MGAM: variants seen among roughly 807,000 people sequenced by gnomAD.
MGAM encodes the protein alpha-1,4-glucosidase.
Under a neutral mutation model 358.8 loss-of-function variants are expected in MGAM, and 253 were observed. The ratio of observed to expected loss-of-function variants is 0.71; its 90% CI spans 0.64 to 0.78. MGAM has a LOEUF of 0.78. Ranked by LOEUF, MGAM falls within the 30% of genes least tolerant of loss-of-function variation. The pLI, the probability that MGAM is intolerant of heterozygous loss-of-function variation, is 0.00. For missense variants in MGAM, 3,080 were observed against 3,432.6 expected (o/e 0.90, Z 2.57); for synonymous variants, 1,105 against 1,227.1 (o/e 0.90, Z 2.08).
At chr7:142,060,954 CTGGGGACGGTTTG>C (rs71672526) in intron 34 of MGAM, among the ~76,000 whole-genome samples, 22,029 of 151,930 alleles carry the variant, frequency 0.14, 2,984 homozygotes, top group East Asian at 0.37. Context: ...TTGCTCTCTC[CTGGGGACGGTTTG>C]TTGCTTGTAA....
At chr7:142,061,030 A>T (rs2961071) in intron 34 of MGAM, among the ~76,000 whole-genome samples, 74,516 of 151,972 alleles carry the variant, frequency 0.49, 20,065 homozygotes, top group Admixed American at 0.62. Context: ...CGATTGACTA[A>T]GCATTTCTTG....
At position 142,087,302 on chromosome 7, in the gene MGAM, G is replaced by A. The variant is rs1407578279; in HGVS notation, c.6810+585G>A. On this transcript the variant is annotated intron_variant, in intron 57 of 70. Coordinates refer to ENST00000475668, the MANE Select transcript of MGAM (RefSeq NM_001365693.1). ...GTAAAACTTGCTCTCTTCTGGGGAT[G>A]GTTTGTTGCTTGTAATGGATCCAAG... Among the ~76,000 whole-genome samples, 7 of 145,730 alleles carry A rather than the reference G, an allele frequency of 4.8e-5. 1 individual carries two copies. Among genetic ancestry groups the A allele is most frequent in the Non-Finnish European group, 9.3e-5 (6 of 64,432 alleles).
chr7:142,070,321 C>A (rs1585054443), intron 43 of MGAM, among the ~76,000 whole-genome samples: 1 of 146,322 alleles, frequency 6.8e-6, no homozygotes, highest in Admixed American at 6.9e-5. Context: ...AACTATTACT[C>A]ATTCTAGAGC....
intron 30 of MGAM, 26 bp from the exon 31 acceptor site, chr7:142,058,177 A>G (rs755976756): frequency 6.8e-6 from 11 of 1,613,408 alleles, no homozygotes; most frequent in Non-Finnish European, 7.6e-6. Flanking sequence ...TGTTCTGAAG[A>G]CTAATATTTT....
At chr7:142,079,113 T>C (rs2960739) in intron 49 of MGAM, 105 bp downstream of exon 49, 1 of 1,022,314 alleles carries the variant, frequency 9.8e-7, no homozygotes, top group Non-Finnish European at 1.4e-6. Context: ...CATGCTACAT[T>C]AGACTATGTC....
In MGAM at chr7:142,031,773, G is replaced by A. The variant is rs1554463881; in HGVS notation, c.1564G>A (p.Glu522Lys). 6.2e-7 allele frequency: 1 copy of A among 1,605,690 alleles called. No homozygotes were observed. Among genetic ancestry groups the A allele is most frequent in the South Asian group, 1.1e-5 (1 of 90,928 alleles). The change falls in exon 13 of 71, where the codon GAG becomes AAG. Residue 522 changes from glutamate (E) to lysine (K), a missense_variant. Physicochemically the swap from Glu to Lys is moderately conservative, Grantham distance 56. Coordinates refer to ENST00000475668, the MANE Select transcript of MGAM (RefSeq NM_001365693.1). ...ATTTGAGCTTTTTCACAATCAAGTA[G>A]AGTTTGATGGAATCTGGATTGTGAG... ...KEFELFHNQV[E>K]FDGIWIDMNE... is the part of the protein sequence containing the mutation.
chr7:142,019,952 C>A (rs1393046215), intron 4 of MGAM, among the ~76,000 whole-genome samples: 1 of 151,934 alleles, frequency 6.6e-6, no homozygotes, highest in Non-Finnish European at 1.5e-5. Flanking sequence ...GCCTGTAGTC[C>A]CAGCTACTCA....
chr7:141,993,854 A>G (rs1804047866), upstream of MGAM, among the ~76,000 whole-genome samples: 1 of 152,144 alleles, frequency 6.6e-6, no homozygotes, highest in South Asian at 2.1e-4. Flanking sequence ...ATATCGCTTT[A>G]TTGTTAGTAT....
At chr7:142,022,549 C>A in intron 7 of MGAM, 110 bp downstream of exon 7, 1 of 1,193,748 alleles carries the variant, frequency 8.4e-7, no homozygotes, top group Non-Finnish European at 1.1e-6. Context: ...AGTGAGACTA[C>A]CTGGCTTTGA....
intron 4 of MGAM, 86 bp from the exon 5 acceptor site, chr7:142,020,888 A>T: frequency 1.1e-6 from 1 of 944,676 alleles, no homozygotes; most frequent in Non-Finnish European, 1.7e-6. Flanking sequence ...CACTGCACCC[A>T]GCCCCGTGTA....
At chr7:142,043,716 T>G (rs1215774441) in intron 21 of MGAM, among the ~76,000 whole-genome samples, 1 of 124,120 alleles carries the variant, frequency 8.1e-6, no homozygotes, top group Non-Finnish European at 1.7e-5. Context: ...ATATATCATG[T>G]AATATGTAAT....
rs769189278 is a variant in MGAM, at chr7:142,103,408, C to G, written c.8153C>G (p.Thr2718Arg). The change falls in exon 70 of 71, where the codon ACA (threonine) becomes AGA (arginine). Residue 2718 changes from threonine (T) to arginine (R), a missense_variant. Physicochemically the swap from Thr to Arg is moderately conservative, Grantham distance 71. This residue lies in a region of MGAM where 194 missense variants were observed against 172.8 expected (regional missense o/e 1.12). Transcript: ENST00000475668. ...ATCTCTGTGAGTGGCATGGTCATAA[C>G]ACCCTCCTTCAACAATGACCCCACG... The part of the protein sequence containing the change: ...VSISVSGMVI[T>R]PSFNNDPTTQ... 7.5e-6 allele frequency: 12 copies of G among 1,608,562 alleles called. No individual in the cohort carries two copies. The highest frequency in any genetic ancestry group is 1.0e-5 in the Non-Finnish European group (12 of 1,178,084).
At chr7:142,018,605 T>C (rs1263912786) in intron 3 of MGAM, among the ~76,000 whole-genome samples, 1 of 152,184 alleles carries the variant, frequency 6.6e-6, no homozygotes, top group Non-Finnish European at 1.5e-5. Context: ...GGCTTCTACT[T>C]GATTCAGTCA....
rs556773642 is a variant in MGAM at position 142,059,910 on chromosome 7, G to A, written c.4003G>A (p.Val1335Met). 51 of 1,611,302 alleles carry A rather than the reference G, an allele frequency of 3.2e-5. No individual in the cohort carries two copies. The highest frequency in any genetic ancestry group is 2.0e-4 in the Admixed American group (12 of 59,658). Reference protein sequence around the residue: ...TQPYPAFTRGVEDDVFIKYPN... With the variant: ...TQPYPAFTRGMEDDVFIKYPN... ...GCCTTATCCTGCCTTCACTCGGGGC[G>A]TGGAGGATGACGTCTTCATCAAATA... Residue 1335 changes from valine to methionine, a missense_variant, in exon 33 of 71, where the codon GTG becomes ATG. Physicochemically the swap from Val to Met is conservative, Grantham distance 21. Coordinates refer to ENST00000475668, the MANE Select transcript of MGAM (RefSeq NM_001365693.1).
rs1229838749 is a variant in MGAM, at chr7:142,045,345, T to TA, written c.2499-2440_2499-2439insA. Among the ~76,000 whole-genome samples the TA allele has an allele frequency of 2.2e-3, 207 of 92,614 alleles. 38 individuals carry two copies. The highest frequency in any genetic ancestry group is 7.4e-3 in the African/African-American group (177 of 23,904). The allele number at this position is 92,614 out of a possible 152,430, so 60.8% of individuals were successfully genotyped here. On this transcript the variant is annotated intron_variant, in intron 21 of 70. Coordinates refer to ENST00000475668, the MANE Select transcript of MGAM (RefSeq NM_001365693.1). ...TATGATATATAATATATATTATATG[T>TA]CCCTATAATACATGATATATAATAT...
At chr7:142,088,473 C>CG (rs1563213474) in intron 57 of MGAM, among the ~76,000 whole-genome samples, 9 of 101,392 alleles carry the variant, frequency 8.9e-5, no homozygotes, top group African/African-American at 4.7e-4. Flanking sequence ...ACGTATCTAT[C>CG]TATCTACCTA....
rs1164848789 is a variant in MGAM at position 142,106,082 on chromosome 7, G to C, written c.*191G>C. On this transcript the variant is annotated 3_prime_UTR_variant, in exon 71 of 71. Coordinates refer to ENST00000475668, the MANE Select transcript of MGAM (RefSeq NM_001365693.1). ...TTAGCCCTGTGGGATAGGCAGTTAGGGAGGTGTGGAAAATCTATGCATTAC... is the reference window on the plus strand; with the variant it reads ...TTAGCCCTGTGGGATAGGCAGTTAGCGAGGTGTGGAAAATCTATGCATTAC... 6.0e-6 allele frequency: 3 copies of C among 503,500 alleles called. No homozygotes were observed. In the Admixed American group the frequency reaches 9.8e-5, roughly 16 times the overall value. The allele number at this position is 503,500 out of a possible 1,614,324, so 31.2% of individuals were successfully genotyped here.
chr7:142,101,916 AAAAAGAAAGAAAGAAAG>A (rs1563231004), intron 68 of MGAM, among the ~76,000 whole-genome samples: 6 of 151,562 alleles, frequency 4.0e-5, no homozygotes, highest in African/African-American at 1.2e-4. Flanking sequence ...CTCAAAAAAA[AAAAAGAAAGAAAGAAAG>A]AAAAGAAAAG....
chr7:142,068,767 C>T (rs73740255), intron 43 of MGAM, 64 bp downstream of exon 43: 49,183 of 1,268,796 alleles, frequency 0.039, 5,884 homozygotes, highest in African/African-American at 0.12. Flanking sequence ...GCTTTAGGTC[C>T]GATAGACCTT....
Sources: gnomAD v4.1 joint callset for allele counts (sites outside exome capture counted in the v4.1 genomes callset) on GRCh38, gnomAD v4.1.1 for gene constraint, gnomAD v4.1.1 regional missense constraint, MANE v1.5 for transcripts, NCBI Gene and HGNC (gene_info 2026-07-23, HGNC 2026-07-21) for gene names.